The following LUZP2 variants were observed in gnomAD, a reference collection of about 807,000 sequenced individuals.
The protein encoded by LUZP2 is leucine zipper protein 2.
Under a neutral mutation model 51.6 loss-of-function variants are expected in LUZP2, and 52 were observed. The observed-to-expected ratio is 1.01, with a 90% confidence interval of 0.81 to 1.27. The LOEUF is 1.27. LUZP2 is among the 50% of genes most tolerant of loss of function. The pLI, the probability that LUZP2 is intolerant of heterozygous loss-of-function variation, is 0.00. For synonymous variants in LUZP2, 154 were observed against 137.3 expected, an observed-to-expected ratio of 1.12 and a Z score of -0.85; for missense variants, 436 against 395.4, an observed-to-expected ratio of 1.10 and a Z score of -0.87.
intron 5 of LUZP2, among the ~76,000 whole-genome samples, chr11:24,877,724 C>A (rs762579592): frequency 2.0e-5 from 3 of 152,126 alleles, no homozygotes; most frequent in Non-Finnish European, 4.4e-5. Flanking sequence ...CATTAACCAT[C>A]CCCACCTCCC....
At position 24,801,499 on chromosome 11, in the gene LUZP2, T is replaced by C. The variant is rs571167555; in HGVS notation, c.396+38191T>C. On this transcript the variant is annotated intron_variant, in intron 5 of 11. Coordinates refer to ENST00000336930, the MANE Select transcript of LUZP2 (RefSeq NM_001009909.4). ...ATTATGAAATACATGACATTACCAC[T>C]ACTTTATTGTGATTATTATTTTATA... Among the ~76,000 whole-genome samples the C allele has an allele frequency of 2.6e-4, 40 of 152,152 alleles. 1 individual carries two copies. The South Asian group carries it at 7.5e-3, about 28-fold the overall frequency.
intron 5 of LUZP2, among the ~76,000 whole-genome samples, chr11:24,905,013 T>C (rs1385268555): frequency 1.3e-5 from 2 of 152,084 alleles, no homozygotes; most frequent in East Asian, 1.9e-4. Context: ...ATTTAAAAAA[T>C]GACAAATAAG....
At chr11:24,969,738 C>T (rs1034184749) in intron 7 of LUZP2, among the ~76,000 whole-genome samples, 6 of 152,090 alleles carry the variant, frequency 3.9e-5, no homozygotes, top group African/African-American at 7.2e-5. Context: ...TAAGAAATTA[C>T]GTCTCCATCT....
chr11:24,863,750 A>G (rs1215367791), intron 5 of LUZP2, among the ~76,000 whole-genome samples: 1 of 152,204 alleles, frequency 6.6e-6, no homozygotes, highest in Non-Finnish European at 1.5e-5. Flanking sequence ...ACACGTCCCC[A>G]GAAAAATTGG....
intron 5 of LUZP2, among the ~76,000 whole-genome samples, chr11:24,879,935 C>T (rs1852406384): frequency 6.6e-6 from 1 of 152,180 alleles, no homozygotes; most frequent in Non-Finnish European, 1.5e-5. Context: ...AGGAATGGCA[C>T]AAGCACTTTC....
chr11:24,849,999 G>C (rs1851338599), intron 5 of LUZP2, among the ~76,000 whole-genome samples: 1 of 152,096 alleles, frequency 6.6e-6, no homozygotes, highest in African/African-American at 2.4e-5. Flanking sequence ...ATTTGTTTAA[G>C]TTCTTTGTAG....
intron 8 of LUZP2, among the ~76,000 whole-genome samples, chr11:24,982,391 T>C (rs1479009548): frequency 4.6e-5 from 7 of 151,714 alleles, no homozygotes; most frequent in Non-Finnish European, 7.4e-5. Context: ...GGATAAATAA[T>C]ATGTGACACA....
intron 7 of LUZP2, among the ~76,000 whole-genome samples, chr11:24,959,390 T>C (rs1309255855): frequency 1.3e-5 from 2 of 152,218 alleles, no homozygotes; most frequent in African/African-American, 2.4e-5. Context: ...CCCATGAGCA[T>C]GGAATGTTCT....
At chr11:24,764,240 C>G (rs773001858) in intron 5 of LUZP2, among the ~76,000 whole-genome samples, 16 of 152,100 alleles carry the variant, frequency 1.1e-4, no homozygotes, top group African/African-American at 3.9e-4. Context: ...AATATGAACC[C>G]AGTTGTATGA....
At chr11:24,990,093 C>A (rs1474889914) in intron 9 of LUZP2, among the ~76,000 whole-genome samples, 1 of 151,980 alleles carries the variant, frequency 6.6e-6, no homozygotes, top group Non-Finnish European at 1.5e-5. Flanking sequence ...ACAATCTGGG[C>A]AAGTTTGTAA....
At chr11:24,760,418 C>T (rs1268398579) in intron 4 of LUZP2, among the ~76,000 whole-genome samples, 1 of 151,960 alleles carries the variant, frequency 6.6e-6, no homozygotes, top group Admixed American at 6.6e-5. Flanking sequence ...GTGGTGATAC[C>T]TTGGTTTTTC....
intron 1 of LUZP2, among the ~76,000 whole-genome samples, chr11:24,678,153 A>C (rs916929709): frequency 1.3e-5 from 2 of 151,660 alleles, no homozygotes; most frequent in African/African-American, 4.8e-5. Context: ...GACCATTGCT[A>C]ACTCCATAAA....
intron 5 of LUZP2, among the ~76,000 whole-genome samples, chr11:24,807,822 A>G (rs73426008): frequency 0.016 from 2,501 of 152,200 alleles, 74 homozygotes; most frequent in African/African-American, 0.057. Flanking sequence ...CCCATAAAAA[A>G]GTGGAGGAAG....
intron 7 of LUZP2, among the ~76,000 whole-genome samples, chr11:24,962,384 C>T (rs1855439334): frequency 6.6e-6 from 1 of 152,206 alleles, no homozygotes; most frequent in South Asian, 2.1e-4. Context: ...CCATTCTCCC[C>T]ATCACTTTCA....
chr11:24,762,330 A>G (rs2716531), intron 4 of LUZP2, among the ~76,000 whole-genome samples: 99,602 of 151,938 alleles, frequency 0.66, 32,972 homozygotes, highest in Non-Finnish European at 0.68. Context: ...CCAAACTGAG[A>G]TGTACTGTAA....
intron 1 of LUZP2, among the ~76,000 whole-genome samples, chr11:24,721,193 A>G (rs1044139750): frequency 1.3e-5 from 2 of 152,212 alleles, no homozygotes; most frequent in African/African-American, 4.8e-5. Context: ...TATTTGCAGC[A>G]TAGTAAATGT....
intron 7 of LUZP2, among the ~76,000 whole-genome samples, chr11:24,944,082 C>A (rs1451571804): frequency 6.6e-6 from 1 of 152,086 alleles, no homozygotes; most frequent in Admixed American, 6.5e-5. Flanking sequence ...AATACAATAA[C>A]TATTTAAGGC....
At chr11:24,912,233 C>T (rs1853656915) in intron 6 of LUZP2, among the ~76,000 whole-genome samples, 1 of 150,740 alleles carries the variant, frequency 6.6e-6, no homozygotes, top group African/African-American at 2.4e-5. Context: ...CTCTTCCTGT[C>T]TCCTTTTCTT....
At chr11:24,926,322 T>TAC (rs1565119059) in intron 7 of LUZP2, among the ~76,000 whole-genome samples, 24 of 106,810 alleles carry the variant, frequency 2.2e-4, no homozygotes, top group African/African-American at 1.1e-3. Context: ...TATATATACG[T>TAC]GTGTGTATAT....
Sources: allele counts gnomAD v4.1 joint callset (sites outside exome capture counted in the v4.1 genomes callset), GRCh38; gene constraint gnomAD v4.1.1; transcripts MANE v1.5; gene names NCBI Gene and HGNC (gene_info 2026-07-23, HGNC 2026-07-21).